The following DHRSX variants were observed in gnomAD, a reference collection of about 807,000 sequenced individuals.
DHRSX encodes polyprenol dehydrogenase.
Under a neutral mutation model 34.0 loss-of-function variants are expected in DHRSX, and 31 were observed. The observed-to-expected ratio is 0.91, with a 90% CI of 0.69 to 1.23. DHRSX has a LOEUF of 1.23. DHRSX is among the 50% of genes most tolerant of loss of function. The probability of loss-of-function intolerance (pLI) is 0.00; values close to 1 mark genes in which losing one functional copy is unlikely to be tolerated. For missense variants in DHRSX, 414 were observed against 428.1 expected (o/e 0.97, Z 0.29); for synonymous variants, 201 against 183.8 (o/e 1.09, Z -0.76).
chrX:2,389,313 A>G (rs1272973032), intron 3 of DHRSX, among the ~76,000 whole-genome samples: 1 of 152,162 alleles, frequency 6.6e-6, no homozygotes, highest in African/African-American at 2.4e-5. Flanking sequence ...GGCCAGAGGC[A>G]GCAGAAATCT....
chrX:2,298,600 GTACACACACACA>G lies in DHRSX; in HGVS notation c.287-7009_287-6998del, dbSNP rs1156430738. On this transcript the variant is annotated intron_variant, in intron 3 of 6. Coordinates refer to ENST00000334651, the MANE Select transcript of DHRSX (RefSeq NM_145177.3). ...CAGCAGTTCTCCTGCAGGCGCGTGTGTACACACACACACACACACACACACACACACACACAC... is the reference window on the plus strand; with the variant it reads ...CAGCAGTTCTCCTGCAGGCGCGTGTGCACACACACACACACACACACACAC... Among the ~76,000 whole-genome samples the G allele has an allele frequency of 3.3e-3, 151 of 45,328 alleles. 1 individual carries two copies. The highest frequency in any genetic ancestry group is 0.019 in the Middle Eastern group (2 of 106). 29.7% of individuals were successfully genotyped at this position (45,328 alleles called of 152,430 possible).
At chrX:2,490,714 C>T (rs1261737456) in intron 1 of DHRSX, 2 of 1,612,294 alleles carry the variant, frequency 1.2e-6, no homozygotes, top group Non-Finnish European at 1.7e-6. Flanking sequence ...GGCTTTTATT[C>T]TCCATTGCTT....
intron 5 of DHRSX, among the ~76,000 whole-genome samples, chrX:2,244,721 T>C (rs1295976489): frequency 1.3e-5 from 2 of 151,818 alleles, no homozygotes; most frequent in African/African-American, 4.8e-5. Context: ...TTTTTATTTA[T>C]TTATTTTTGA....
chrX:2,366,668 G>A (rs958939247), intron 3 of DHRSX, among the ~76,000 whole-genome samples: 4 of 152,038 alleles, frequency 2.6e-5, no homozygotes, highest in Non-Finnish European at 4.4e-5. Context: ...AGCAGTCACA[G>A]CTCACTGCAG....
intron 6 of DHRSX, among the ~76,000 whole-genome samples, chrX:2,237,721 T>A (rs1298165818): frequency 6.6e-6 from 1 of 151,994 alleles, no homozygotes; most frequent in Non-Finnish European, 1.5e-5. Flanking sequence ...GTTAGGCTGG[T>A]CTTGAACTCC....
chrX:2,330,128 G>C (rs187578632), intron 3 of DHRSX, among the ~76,000 whole-genome samples: 1 of 118,820 alleles, frequency 8.4e-6, no homozygotes, highest in African/African-American at 3.8e-5. Flanking sequence ...GAGAGACAGA[G>C]AGAAAGGAAG....
At chrX:2,356,062 GTC>G (rs2042847424) in intron 3 of DHRSX, among the ~76,000 whole-genome samples, 1 of 117,730 alleles carries the variant, frequency 8.5e-6, no homozygotes, top group East Asian at 2.3e-4. Flanking sequence ...GCGAGACTCC[GTC>G]TCAAAAAAAA....
chrX:2,317,426 A>G (rs2042254381), intron 3 of DHRSX, among the ~76,000 whole-genome samples: 1 of 147,766 alleles, frequency 6.8e-6, no homozygotes. Context: ...TATTTTTTTT[A>G]TTTTTCAGTA....
chrX:2,431,502 G>A (rs1451562435), intron 1 of DHRSX, among the ~76,000 whole-genome samples: 1 of 152,126 alleles, frequency 6.6e-6, no homozygotes, highest in African/African-American at 2.4e-5. Flanking sequence ...CCAGTAATGG[G>A]ATTGCTGGCT....
chrX:2,324,332 G>A (rs2042350303), intron 3 of DHRSX, among the ~76,000 whole-genome samples: 1 of 152,144 alleles, frequency 6.6e-6, no homozygotes, highest in Admixed American at 6.6e-5. Context: ...ACAGAGCTCC[G>A]TAGGCGGCTC....
chrX:2,464,871 C>T (rs1428725865), intron 1 of DHRSX, among the ~76,000 whole-genome samples: 5 of 151,920 alleles, frequency 3.3e-5, no homozygotes, highest in Non-Finnish European at 7.4e-5. Flanking sequence ...ATTCCCTAAG[C>T]ATGTGGCGCA....
chrX:2,325,075 C>T (rs2042362993), intron 3 of DHRSX, among the ~76,000 whole-genome samples: 2 of 151,864 alleles, frequency 1.3e-5, no homozygotes. Flanking sequence ...CGCCCGGCAG[C>T]TTTTCTCTTT....
At chrX:2,394,597 G>A (rs180946263) in intron 3 of DHRSX, among the ~76,000 whole-genome samples, 2 of 152,214 alleles carry the variant, frequency 1.3e-5, no homozygotes, top group East Asian at 1.9e-4. Context: ...GCCGGGCACA[G>A]TGGCTCACGC....
In DHRSX at chrX:2,306,185, G is replaced by A. The variant is rs377586676; in HGVS notation, c.287-14582C>T. On this transcript the variant is annotated intron_variant, in intron 3 of 6. Coordinates refer to ENST00000334651, the MANE Select transcript of DHRSX (RefSeq NM_145177.3). Reference sequence around the variant, plus strand: ...GAACGGAGTAATACAGGCAACCAACGGGCTTTGCTCATTCTTGCAATCAGC... The same window carrying A: ...GAACGGAGTAATACAGGCAACCAACAGGCTTTGCTCATTCTTGCAATCAGC... Among the ~76,000 whole-genome samples the A allele has an allele frequency of 1.3e-4, 20 of 152,116 alleles. No homozygotes were observed. The East Asian group carries it at 3.5e-3, about 26-fold the overall frequency.
chrX:2,331,979 C>G (rs923407429), intron 3 of DHRSX, among the ~76,000 whole-genome samples: 2 of 152,132 alleles, frequency 1.3e-5, no homozygotes, highest in Non-Finnish European at 2.9e-5. Context: ...AAGGTTTTGA[C>G]TCGCGAAATG....
At chrX:2,346,764 A>G (rs2042721255) in intron 3 of DHRSX, among the ~76,000 whole-genome samples, 1 of 151,942 alleles carries the variant, frequency 6.6e-6, no homozygotes. Flanking sequence ...CCCGTCATCT[A>G]CATTAGGTAT....
chrX:2,288,126 TAAAAAAA>T (rs111835918), intron 4 of DHRSX, among the ~76,000 whole-genome samples: 1 of 148,548 alleles, frequency 6.7e-6, no homozygotes, highest in Non-Finnish European at 1.5e-5. Context: ...GTGAAGGAGA[TAAAAAAA>T]AAGAGAAGGC....
At chrX:2,488,165 C>G (rs1603168376) in intron 1 of DHRSX, 1 of 155,478 alleles carries the variant, frequency 6.4e-6, no homozygotes, top group East Asian at 1.9e-4. Context: ...GAAACCCACT[C>G]AAAGCCACCT....
At chrX:2,243,804 T>TTTGTTTTG (rs2016210837) in intron 5 of DHRSX, among the ~76,000 whole-genome samples, 12 of 28,014 alleles carry the variant, frequency 4.3e-4, no homozygotes, top group African/African-American at 8.9e-4. Context: ...TTTTTTTTTT[T>TTTGTTTTG]TTTTTTTTTT....
Sources: allele counts gnomAD v4.1 joint callset (sites outside exome capture counted in the v4.1 genomes callset), GRCh38; gene constraint gnomAD v4.1.1; transcripts MANE v1.5; gene names NCBI Gene and HGNC (gene_info 2026-07-23, HGNC 2026-07-21).